The following TRIQK variants were observed in gnomAD, a reference collection of about 807,000 sequenced individuals.
TRIQK encodes triple QxxK/R motif containing.
TRIQK carries 10 observed loss-of-function variants against 10.8 expected under a neutral mutation model. The ratio of observed to expected loss-of-function variants is 0.92; its 90% CI spans 0.57 to 1.57. TRIQK has a LOEUF of 1.57. TRIQK is among the 40% of genes most tolerant of loss of function. The probability of loss-of-function intolerance (pLI) is 0.00; values close to 1 mark genes in which losing one functional copy is unlikely to be tolerated. For synonymous variants in TRIQK, 33 were observed against 33.7 expected, an observed-to-expected ratio of 0.98 and a Z score of 0.07; for missense variants, 107 against 97.7, an observed-to-expected ratio of 1.09 and a Z score of -0.40.
chr8:92,946,069 C>T (rs956188157), intron 2 of TRIQK, among the ~76,000 whole-genome samples: 3 of 151,898 alleles, frequency 2.0e-5, no homozygotes, highest in African/African-American at 7.2e-5. Context: ...ACTACATTTC[C>T]TAGGATACTT....
chr8:92,908,246 ACT>A (rs35795728), intron 3 of TRIQK, among the ~76,000 whole-genome samples: 9,394 of 152,126 alleles, frequency 0.062, 339 homozygotes, highest in South Asian at 0.14. Flanking sequence ...CTAGAAGCTC[ACT>A]GTTTCTTTCT....
At chr8:92,941,363 C>T (rs1351581912) in intron 2 of TRIQK, 3 of 152,112 alleles carry the variant, frequency 2.0e-5, no homozygotes, top group Admixed American at 1.3e-4. Flanking sequence ...AAGCATGAGC[C>T]ACTGCACCCA....
intron 1 of TRIQK, among the ~76,000 whole-genome samples, chr8:92,997,641 G>A (rs947873674): frequency 2.0e-5 from 3 of 152,006 alleles, no homozygotes; most frequent in African/African-American, 7.2e-5. Flanking sequence ...CAAATTTGAG[G>A]ACACTGAAAA....
intron 2 of TRIQK, among the ~76,000 whole-genome samples, chr8:92,934,732 G>T (rs1349967215): frequency 1.3e-5 from 2 of 151,778 alleles, no homozygotes; most frequent in Middle Eastern, 3.4e-3. Flanking sequence ...AACAGATTGT[G>T]GTATTATAAC....
intron 1 of TRIQK, among the ~76,000 whole-genome samples, chr8:92,995,750 T>A (rs1813146723): frequency 6.6e-6 from 1 of 152,120 alleles, no homozygotes; most frequent in Non-Finnish European, 1.5e-5. Context: ...ATTTTGTTTG[T>A]TGAAGTTGAT....
rs182457409 is a variant in TRIQK at position 92,888,403 on chromosome 8, C to A, written c.148-1668G>T. On this transcript the variant is annotated intron_variant, in intron 4 of 4. Coordinates refer to ENST00000521988, the MANE Select transcript of TRIQK (RefSeq NM_001171797.2). ...TAAGGGATAGGAAGCAGAGAATATTCATAGAACATAACTTCAGAAGACCCA... is the reference window on the plus strand; with the variant it reads ...TAAGGGATAGGAAGCAGAGAATATTAATAGAACATAACTTCAGAAGACCCA... 2.4e-4 allele frequency among the ~76,000 whole-genome samples: 37 copies of A among 151,700 alleles called. No individual in the cohort carries two copies. The East Asian group carries it at 6.8e-3, about 28-fold the overall frequency.
chr8:92,936,889 C>A (rs1047256004), intron 2 of TRIQK, among the ~76,000 whole-genome samples: 6 of 151,558 alleles, frequency 4.0e-5, no homozygotes, highest in Non-Finnish European at 8.9e-5. Flanking sequence ...CTATGGAATA[C>A]CTCTAAAAGT....
chr8:92,993,865 A>G (rs1337297226), intron 1 of TRIQK, among the ~76,000 whole-genome samples: 3 of 152,182 alleles, frequency 2.0e-5, no homozygotes, highest in African/African-American at 4.8e-5. Flanking sequence ...ATCAGAAACA[A>G]TAGAGGTTTG....
At chr8:92,967,797 G>A (rs964873521), upstream of TRIQK, among the ~76,000 whole-genome samples, 2 of 147,370 alleles carry the variant, frequency 1.4e-5, no homozygotes, top group African/African-American at 5.0e-5. Context: ...ACTCCAGCCT[G>A]GGCAACTGAG....
At chr8:93,015,139 C>G (rs1448380585) in intron 1 of TRIQK, among the ~76,000 whole-genome samples, 1 of 151,696 alleles carries the variant, frequency 6.6e-6, no homozygotes, top group Non-Finnish European at 1.5e-5. Flanking sequence ...ATAAAATTAT[C>G]TATTTATAGG....
At chr8:92,904,642 A>G (rs1487347069) in intron 3 of TRIQK, among the ~76,000 whole-genome samples, 6 of 152,168 alleles carry the variant, frequency 3.9e-5, no homozygotes, top group Non-Finnish European at 8.8e-5. Flanking sequence ...CTTACTGGAA[A>G]GGACAGCAGT....
chr8:92,947,261 T>C (rs1361564810), intron 2 of TRIQK, among the ~76,000 whole-genome samples: 7 of 151,538 alleles, frequency 4.6e-5, no homozygotes, highest in Admixed American at 2.6e-4. Flanking sequence ...TATATATATA[T>C]ACACTCAAGT....
intron 2 of TRIQK, among the ~76,000 whole-genome samples, chr8:92,942,263 T>C (rs903191318): frequency 6.6e-6 from 1 of 152,170 alleles, no homozygotes; most frequent in Admixed American, 6.5e-5. Flanking sequence ...ATAAATATTA[T>C]ACATCACATT....
At chr8:92,897,946 A>G (rs1808695888) in intron 3 of TRIQK, among the ~76,000 whole-genome samples, 1 of 152,054 alleles carries the variant, frequency 6.6e-6, no homozygotes, top group Non-Finnish European at 1.5e-5. Flanking sequence ...GGTTCCTCAC[A>G]TCTTTAATGG....
chr8:92,987,858 C>T (rs903123520), intron 1 of TRIQK, among the ~76,000 whole-genome samples: 2 of 151,776 alleles, frequency 1.3e-5, no homozygotes, highest in African/African-American at 4.8e-5. Context: ...TTACTAAGAT[C>T]TCAATAATGA....
chr8:93,000,588 G>A (rs1367386388), intron 1 of TRIQK, among the ~76,000 whole-genome samples: 8 of 152,022 alleles, frequency 5.3e-5, no homozygotes, highest in African/African-American at 1.9e-4. Context: ...GGTGGGGGTT[G>A]GGGACACAAC....
upstream of TRIQK, among the ~76,000 whole-genome samples, chr8:92,967,002 A>AC (rs398008807): frequency 1.3e-5 from 2 of 149,752 alleles, no homozygotes; most frequent in Non-Finnish European, 1.5e-5. Context: ...AAAAAAAAAA[A>AC]CTGAGACAAG....
chr8:93,003,538 TC>T (rs35224900), intron 1 of TRIQK, among the ~76,000 whole-genome samples: 26,907 of 151,674 alleles, frequency 0.18, 2,953 homozygotes, highest in Non-Finnish European at 0.24. Flanking sequence ...ATGTCATTCC[TC>T]CCCCGGTCCC....
At position 92,910,724 on chromosome 8, in the gene TRIQK, T is replaced by G. The variant is rs542325746; in HGVS notation, c.61+6205A>C. Among the ~76,000 whole-genome samples, 137 of 151,266 alleles carry G rather than the reference T, an allele frequency of 9.1e-4. 1 individual carries two copies. Among genetic ancestry groups the G allele is most frequent in the African/African-American group, 3.1e-3 (128 of 41,488 alleles). On this transcript the variant is annotated intron_variant, in intron 3 of 4. Coordinates refer to ENST00000521988, the MANE Select transcript of TRIQK (RefSeq NM_001171797.2). ...GAAGTCTAAACAGACACTTCATAAG[T>G]ACTTTATAAATAAAAAGGTCATTAT...
Sources: allele counts gnomAD v4.1 joint callset (sites outside exome capture counted in the v4.1 genomes callset), GRCh38; gene constraint gnomAD v4.1.1; transcripts MANE v1.5; gene names NCBI Gene and HGNC (gene_info 2026-07-23, HGNC 2026-07-21).